Variants in PLCG2 observed in about 807,000 individuals in gnomAD.
The protein encoded by PLCG2 is 1-phosphatidylinositol 4,5-bisphosphate phosphodiesterase gamma-2.
In PLCG2, 69 loss-of-function variants were observed where a neutral mutation model predicts 175.6. That is an observed-to-expected ratio of 0.39 (90% CI 0.32 to 0.48). PLCG2 has a LOEUF of 0.48. Among genes scored for constraint, PLCG2 ranks in the 20% least tolerant of loss-of-function variants. The probability of loss-of-function intolerance (pLI) is 0.91; values close to 1 mark genes in which losing one functional copy is unlikely to be tolerated. For missense variants in PLCG2, 1,798 were observed against 1,650.9 expected, an observed-to-expected ratio of 1.09 and a Z score of -1.54; for synonymous variants, 827 against 624.0, an observed-to-expected ratio of 1.33 and a Z score of -4.85.
At chr16:81,835,533 T>G (rs953283284) in intron 2 of PLCG2, among the ~76,000 whole-genome samples, 1 of 152,074 alleles carries the variant, frequency 6.6e-6, no homozygotes, top group Non-Finnish European at 1.5e-5. Context: ...GAGCTGAGAT[T>G]GTGCCATTGC....
intron 30 of PLCG2, among the ~76,000 whole-genome samples, chr16:81,942,351 AGG>A (rs1910977474): frequency 6.6e-6 from 1 of 152,230 alleles, no homozygotes; most frequent in Non-Finnish European, 1.5e-5. Flanking sequence ...CAAAACCTCA[AGG>A]GAGATTAAAA....
At chr16:81,747,764 G>A (rs547165521) in intron 1 of PLCG2, among the ~76,000 whole-genome samples, 4 of 152,254 alleles carry the variant, frequency 2.6e-5, no homozygotes, top group African/African-American at 7.2e-5. Context: ...TTCAAGTTAA[G>A]AGAGATTTGC....
Position 81,961,041 on chromosome 16 carries a change from T to G in PLCG2, c.*3043T>G, listed in dbSNP as rs1213862995. On this transcript the variant is annotated 3_prime_UTR_variant, in exon 33 of 33. Coordinates refer to ENST00000564138, the MANE Select transcript of PLCG2 (RefSeq NM_002661.5). ...GTGGATATTTGGAAAGTGAAAGACT[T>G]ATCAACAGGGCACAAATCTTTTTGC... 4.3e-6 allele frequency: 1 copy of G among 231,364 alleles called. No individual in the cohort carries two copies. Among genetic ancestry groups the G allele is most frequent in the African/African-American group, 2.2e-5 (1 of 45,274 alleles). The allele number at this position is 231,364 out of a possible 1,614,324, so 14.3% of individuals were successfully genotyped here.
chr16:81,879,426 C>T (rs1457990246), intron 7 of PLCG2, among the ~76,000 whole-genome samples: 2 of 152,212 alleles, frequency 1.3e-5, no homozygotes, highest in African/African-American at 2.4e-5. Flanking sequence ...GTTTGCGGCT[C>T]TTAACCTTTT....
At chr16:81,782,215 ACATG>A (rs1910768137) in intron 1 of PLCG2, among the ~76,000 whole-genome samples, 3 of 136,990 alleles carry the variant, frequency 2.2e-5, no homozygotes, top group Admixed American at 7.8e-5. Flanking sequence ...AGATACAAGA[ACATG>A]AATGAGCTTA....
At chr16:81,956,980 T>A in intron 32 of PLCG2, 101 bp downstream of exon 32, 1 of 1,031,864 alleles carries the variant, frequency 9.7e-7, no homozygotes, top group Non-Finnish European at 1.4e-6. Flanking sequence ...CTGAGTTGCT[T>A]TCTTCAGAAA....
rs144464939 is a variant in PLCG2, at chr16:81,940,323, G to A, written c.3481+264G>A. On this transcript the variant is annotated intron_variant, in intron 30 of 32. Transcript: ENST00000564138. ...GTTAGTGGATCCTCAACCTGGCACT[G>A]CAGTTTGATTTCATTTTGAAATATT... is the stretch of plus-strand genomic sequence containing the variant. Among the ~76,000 whole-genome samples the A allele has an allele frequency of 2.0e-4, 30 of 152,234 alleles. No individual in the cohort carries two copies. The East Asian group carries it at 5.4e-3, about 27-fold the overall frequency.
chr16:81,957,392 G>A (rs972070975), intron 32 of PLCG2, among the ~76,000 whole-genome samples: 4 of 152,134 alleles, frequency 2.6e-5, no homozygotes, highest in African/African-American at 4.8e-5. Context: ...TACCTTAGGC[G>A]CTTGCCACTT....
chr16:81,770,619 G>C (rs1278885605), intron 2 of PLCG2, among the ~76,000 whole-genome samples: 1 of 152,158 alleles, frequency 6.6e-6, no homozygotes. Flanking sequence ...GGAGGCTGAG[G>C]TGGGAGGATT....
At chr16:81,887,234 C>T (rs1908415597) in intron 9 of PLCG2, among the ~76,000 whole-genome samples, 1 of 152,060 alleles carries the variant, frequency 6.6e-6, no homozygotes, top group Non-Finnish European at 1.5e-5. Context: ...ATTCTCCTGC[C>T]TCAGCCTCCC....
intron 2 of PLCG2, among the ~76,000 whole-genome samples, chr16:81,829,131 C>T (rs544434353): frequency 3.9e-5 from 6 of 152,020 alleles, no homozygotes; most frequent in African/African-American, 7.2e-5. Context: ...TTTTTTGAGA[C>T]GGAGTCTGGC....
At chr16:81,852,862 G>A (rs1172739508) in intron 2 of PLCG2, among the ~76,000 whole-genome samples, 2 of 152,184 alleles carry the variant, frequency 1.3e-5, no homozygotes, top group South Asian at 2.1e-4. Flanking sequence ...CTCTGTGGCT[G>A]TTGGCTGGGG....
chr16:81,777,137 C>A (rs576811173), upstream of PLCG2, among the ~76,000 whole-genome samples: 1 of 151,976 alleles, frequency 6.6e-6, no homozygotes, highest in Non-Finnish European at 1.5e-5. Flanking sequence ...GAAACCTGTT[C>A]TTCATGTTCT....
intron 2 of PLCG2, among the ~76,000 whole-genome samples, chr16:81,845,330 C>T (rs1054086424): frequency 6.6e-6 from 1 of 152,066 alleles, no homozygotes; most frequent in African/African-American, 2.4e-5. Flanking sequence ...TTTTTTTCCC[C>T]TACATTTTTG....
At chr16:81,924,558 G>C (rs149239175) in intron 22 of PLCG2, among the ~76,000 whole-genome samples, 3 of 152,176 alleles carry the variant, frequency 2.0e-5, no homozygotes, top group Non-Finnish European at 4.4e-5. Context: ...GATTTGAACC[G>C]CCAGGCCTTT....
At chr16:81,925,085 C>T (rs967094494) in intron 22 of PLCG2, among the ~76,000 whole-genome samples, 1 of 152,200 alleles carries the variant, frequency 6.6e-6, no homozygotes, top group Non-Finnish European at 1.5e-5. Flanking sequence ...GTTTTCCATT[C>T]TGTGTGAGAT....
At position 81,935,974 on chromosome 16, in the gene PLCG2, T is replaced by C. The variant is rs147395243; in HGVS notation, c.2843-195T>C. 464 of 985,174 alleles carry C rather than the reference T, an allele frequency of 4.7e-4. 3 individuals carry two copies. In the African/African-American group the frequency reaches 7.4e-3, roughly 16 times the overall value. The allele number at this position is 985,174 out of a possible 1,614,324, so 61.0% of individuals were successfully genotyped here. A position where few individuals can be genotyped will look rare whatever the true frequency, so the allele number is the denominator to read the frequency against. ...GTGGTGGGAAAACTAGGCCCCTTTT[T>C]AATACTTGGAACCCCCAGAGGGCAA... is the stretch of plus-strand genomic sequence containing the variant. On this transcript the variant is annotated intron_variant, in intron 26 of 32. Transcript: ENST00000564138.
intron 2 of PLCG2, 133 bp downstream of exon 2, chr16:81,786,315 A>G (rs1323965380): frequency 2.7e-6 from 2 of 748,544 alleles, no homozygotes; most frequent in Non-Finnish European, 2.1e-6. Context: ...CTTAAAATGA[A>G]AGCATTGCCA....
rs115930867 is a variant in PLCG2, at chr16:81,880,863, A to G, written c.649-47A>G. 4,680 of 1,585,736 alleles carry G rather than the reference A, an allele frequency of 3.0e-3. 113 individuals are homozygous for G. The African/African-American group carries it at 0.058, about 20-fold the overall frequency. On this transcript the variant is annotated intron_variant, in intron 7 of 32. Coordinates refer to ENST00000564138, the MANE Select transcript of PLCG2 (RefSeq NM_002661.5). ...CAAAAATCTTTCCGTTTTTGCATTAAGTGACTTGTCTAAGGTTCTTTTTTT... is the reference window on the plus strand; with the variant it reads ...CAAAAATCTTTCCGTTTTTGCATTAGGTGACTTGTCTAAGGTTCTTTTTTT...
Sources: gnomAD v4.1 joint callset for allele counts (sites outside exome capture counted in the v4.1 genomes callset) on GRCh38, gnomAD v4.1.1 for gene constraint, MANE v1.5 for transcripts, NCBI Gene and HGNC (gene_info 2026-07-23, HGNC 2026-07-21) for gene names.